Variants in GLG1 observed in about 807,000 individuals in gnomAD.
GLG1 encodes the protein Golgi apparatus protein 1.
In GLG1, 38 loss-of-function variants were observed where a neutral mutation model predicts 160.5. That is an observed-to-expected ratio of 0.24 (90% CI 0.18 to 0.31). GLG1 has a LOEUF of 0.31. Ranked by LOEUF, GLG1 falls within the 10% of genes least tolerant of loss-of-function variation. The pLI is 1.00. For synonymous variants in GLG1, 644 were observed against 543.4 expected, an observed-to-expected ratio of 1.19 and a Z score of -2.57; for missense variants, 1,373 against 1,505.2, an observed-to-expected ratio of 0.91 and a Z score of 1.45.
In GLG1 at chr16:74,603,112, AGC is replaced by A. The variant is rs1204065303; in HGVS notation, c.438+3543_438+3544del. ...CTCAAACAACAACAACAACAACAAC[AGC>A]AGCAGCAGCAGCAGCAGCCAGGCGC... On this transcript the variant is annotated intron_variant, in intron 1 of 25. Coordinates refer to ENST00000422840, the MANE Select transcript of GLG1 (RefSeq NM_001145667.2). Among the ~76,000 whole-genome samples, 409 of 151,258 alleles carry A rather than the reference AGC, an allele frequency of 2.7e-3. 1 individual carries two copies. Among genetic ancestry groups the A allele is most frequent in the African/African-American group, 8.4e-3 (347 of 41,348 alleles).
At chr16:74,517,982 C>A (rs8045653) in intron 2 of GLG1, among the ~76,000 whole-genome samples, 1 of 151,888 alleles carries the variant, frequency 6.6e-6, no homozygotes, top group Non-Finnish European at 1.5e-5. Flanking sequence ...ACCTAGGAAT[C>A]CAACTCACAA....
chr16:74,529,524 C>T (rs1206970589), intron 2 of GLG1, among the ~76,000 whole-genome samples: 1 of 151,794 alleles, frequency 6.6e-6, no homozygotes, highest in Non-Finnish European at 1.5e-5. Context: ...TCCTTGTCTG[C>T]TATTAATAAT....
intron 15 of GLG1, among the ~76,000 whole-genome samples, chr16:74,470,629 G>T (rs1336823642): frequency 6.6e-6 from 1 of 151,566 alleles, no homozygotes; most frequent in Non-Finnish European, 1.5e-5. Flanking sequence ...TGTATTTTTT[G>T]TAGAGACAGG....
At chr16:74,529,968 C>T (rs1213621754) in intron 2 of GLG1, among the ~76,000 whole-genome samples, 3 of 151,684 alleles carry the variant, frequency 2.0e-5, no homozygotes, top group Non-Finnish European at 2.9e-5. Context: ...TGTGCCACGA[C>T]GCCTGGCTAA....
chr16:74,491,305 T>C, intron 7 of GLG1, 90 bp from the exon 8 acceptor site: 3 of 909,854 alleles, frequency 3.3e-6, no homozygotes, highest in Non-Finnish European at 3.6e-6. Context: ...CATATTTCTA[T>C]CTGTAATACA....
At chr16:74,520,810 T>C (rs1329212098) in intron 2 of GLG1, among the ~76,000 whole-genome samples, 1 of 152,234 alleles carries the variant, frequency 6.6e-6, no homozygotes, top group Admixed American at 6.5e-5. Context: ...AAATTGCCAC[T>C]ACTTTGATTT....
At chr16:74,527,536 C>T (rs2017379044) in intron 2 of GLG1, among the ~76,000 whole-genome samples, 1 of 151,946 alleles carries the variant, frequency 6.6e-6, no homozygotes, top group Admixed American at 6.6e-5. Flanking sequence ...AGGCGTGAGC[C>T]ACCACGCCTG....
chr16:74,513,947 T>G (rs971098731), intron 2 of GLG1, among the ~76,000 whole-genome samples: 3 of 152,144 alleles, frequency 2.0e-5, no homozygotes, highest in Admixed American at 6.5e-5. Flanking sequence ...AGAGCTTAAA[T>G]GACCTGATGG....
intron 4 of GLG1, among the ~76,000 whole-genome samples, chr16:74,499,095 A>G (rs369120188): frequency 7.3e-4 from 111 of 152,308 alleles, no homozygotes; most frequent in African/African-American, 2.6e-3. Flanking sequence ...GAATGAACAG[A>G]GGCTCAGAGG....
chr16:74,596,401 T>C (rs1221953874), intron 1 of GLG1, among the ~76,000 whole-genome samples: 1 of 151,804 alleles, frequency 6.6e-6, no homozygotes, highest in Non-Finnish European at 1.5e-5. Flanking sequence ...TGGTGGCGTG[T>C]GCCTGTAAAC....
At chr16:74,459,632 G>GAAAAA in intron 23 of GLG1, 50 bp downstream of exon 23, 2 of 770,386 alleles carry the variant, frequency 2.6e-6, no homozygotes, top group South Asian at 1.8e-5. Context: ...AGGAAGAAGA[G>GAAAAA]AAAAAAAAAA....
intron 11 of GLG1, among the ~76,000 whole-genome samples, chr16:74,480,006 C>T (rs2015538996): frequency 6.6e-6 from 1 of 151,522 alleles, no homozygotes; most frequent in Non-Finnish European, 1.5e-5. Context: ...AAAAAAAAAT[C>T]TGGAAATCTT....
At chr16:74,605,149 A>G (rs1958536353) in intron 1 of GLG1, among the ~76,000 whole-genome samples, 1 of 152,194 alleles carries the variant, frequency 6.6e-6, no homozygotes, top group African/African-American at 2.4e-5. Context: ...AACTGGAGGA[A>G]AAAACATTAA....
chr16:74,560,085 T>C lies in GLG1; in HGVS notation c.439-27932A>G, dbSNP rs572491852. 2.0e-5 allele frequency among the ~76,000 whole-genome samples: 3 copies of C among 152,310 alleles called. No homozygotes were observed. The South Asian group carries it at 6.2e-4, about 32-fold the overall frequency. On this transcript the variant is annotated intron_variant, in intron 1 of 25. Coordinates refer to ENST00000422840, the MANE Select transcript of GLG1 (RefSeq NM_001145667.2). ...GGTTAATTTTTTGTGTCAACTTCAC[T>C]GGGCCACACGCGTTTCGCCAAACAT... is the stretch of plus-strand genomic sequence containing the variant.
chr16:74,520,908 C>T (rs1000355130), intron 2 of GLG1, among the ~76,000 whole-genome samples: 2 of 151,970 alleles, frequency 1.3e-5, no homozygotes, highest in African/African-American at 4.8e-5. Context: ...CAGCAGTGAG[C>T]AAAAAGGACA....
intron 13 of GLG1, chr16:74,474,060 TCTCCTGCCTCAGC>T (rs1262167575): frequency 1.3e-5 from 2 of 153,686 alleles, no homozygotes; most frequent in Admixed American, 1.3e-4. Context: ...TTCAAGTGAT[TCTCCTGCCTCAGC>T]CTCCCAAGTA....
chr16:74,492,768 G>C (rs926256718), intron 7 of GLG1, among the ~76,000 whole-genome samples, 189 bp downstream of exon 7: 1 of 151,036 alleles, frequency 6.6e-6, no homozygotes, highest in Non-Finnish European at 1.5e-5. Flanking sequence ...GCAGTGAGCC[G>C]AGATTGCGCC....
chr16:74,582,983 T>C (rs943611627), intron 1 of GLG1, among the ~76,000 whole-genome samples: 4 of 152,164 alleles, frequency 2.6e-5, no homozygotes. Flanking sequence ...GTTTACTACC[T>C]TTTAAATTTC....
chr16:74,486,388 T>C (rs1457676773), intron 8 of GLG1, among the ~76,000 whole-genome samples: 1 of 152,208 alleles, frequency 6.6e-6, no homozygotes, highest in Non-Finnish European at 1.5e-5. Context: ...TGTGCTTTAT[T>C]AAAAGCAGAT....
Sources: allele counts gnomAD v4.1 joint callset (sites outside exome capture counted in the v4.1 genomes callset), GRCh38; gene constraint gnomAD v4.1.1; transcripts MANE v1.5; gene names NCBI Gene and HGNC (gene_info 2026-07-23, HGNC 2026-07-21).